The following UGT1A9 variants were observed in gnomAD, a reference collection of about 807,000 sequenced individuals.
UGT1A9 encodes the protein UDP-glucuronosyltransferase 1A9.
UGT1A9 carries 35 observed loss-of-function variants against 45.0 expected under a neutral mutation model. The ratio of observed to expected loss-of-function variants is 0.78; its 90% CI spans 0.59 to 1.03. UGT1A9 has a LOEUF of 1.03. Among genes scored for constraint, UGT1A9 ranks in the 50% least tolerant of loss-of-function variants. UGT1A9 has a pLI of 0.00. For synonymous variants in UGT1A9, 278 were observed against 250.6 expected (o/e 1.11, Z -1.03); for missense variants, 687 against 666.6 (o/e 1.03, Z -0.34).
chr2:233,758,823 C>T (rs1559405168), intron 1 of UGT1A9, among the ~76,000 whole-genome samples: 1 of 152,154 alleles, frequency 6.6e-6, no homozygotes, highest in African/African-American at 2.4e-5. Flanking sequence ...GTATATCCCC[C>T]CCAAAAAGAG....
At chr2:233,747,400 C>T in intron 1 of UGT1A9, 1 of 1,606,978 alleles carries the variant, frequency 6.2e-7, no homozygotes, top group East Asian at 2.2e-5. Flanking sequence ...GTCCTCACCC[C>T]AGAGGTGAAT....
intron 1 of UGT1A9, among the ~76,000 whole-genome samples, chr2:233,734,500 T>C (rs1353975752): frequency 6.6e-6 from 1 of 152,210 alleles, no homozygotes; most frequent in Non-Finnish European, 1.5e-5. Context: ...GGTTTTTTTG[T>C]GTCTCTATCT....
At chr2:233,759,068 T>G (rs1168767781) in intron 1 of UGT1A9, among the ~76,000 whole-genome samples, 1 of 152,198 alleles carries the variant, frequency 6.6e-6, no homozygotes, top group African/African-American at 2.4e-5. Flanking sequence ...GAAAAGGAAT[T>G]TGGAAGAAAG....
intron 1 of UGT1A9, chr2:233,717,976 A>G (rs2076619193): frequency 1.8e-5 from 8 of 446,196 alleles, no homozygotes; most frequent in Middle Eastern, 7.0e-4. Context: ...GGCATTCAGA[A>G]GAGGAATTCA....
chr2:233,710,884 G>A (rs539845882), intron 1 of UGT1A9, among the ~76,000 whole-genome samples: 10 of 152,338 alleles, frequency 6.6e-5, no homozygotes, highest in African/African-American at 1.9e-4. Flanking sequence ...AACAGTTTAA[G>A]TTTGTAGGTT....
intron 1 of UGT1A9, among the ~76,000 whole-genome samples, chr2:233,741,293 A>G (rs1691617867): frequency 6.6e-6 from 1 of 151,772 alleles, no homozygotes; most frequent in Non-Finnish European, 1.5e-5. Context: ...TATGTACCCA[A>G]TTGTGTAGAT....
chr2:233,684,056 T>C (rs944145699), intron 1 of UGT1A9, among the ~76,000 whole-genome samples: 3 of 152,204 alleles, frequency 2.0e-5, no homozygotes, highest in African/African-American at 7.2e-5. Flanking sequence ...ACACCTGGTG[T>C]CTGATCTAAG....
intron 1 of UGT1A9, chr2:233,690,641 C>T (rs1270518819): frequency 1.6e-6 from 2 of 1,287,710 alleles, no homozygotes; most frequent in Non-Finnish European, 2.0e-6. Flanking sequence ...CTGAGGACAC[C>T]TTGACTCCTA....
In UGT1A9 at chr2:233,691,778, G is replaced by A. The variant is rs45618133; in HGVS notation, c.855+18989G>A. Reference sequence around the variant, plus strand: ...ACTCCTGCTCTAGGATTCTCACCACGTACTGGCTAGACTTATACTTCTCAA... The same window carrying A: ...ACTCCTGCTCTAGGATTCTCACCACATACTGGCTAGACTTATACTTCTCAA... On this transcript the variant is annotated intron_variant, in intron 1 of 4. Transcript: ENST00000354728. The A allele has an allele frequency of 2.0e-3, 606 of 303,788 alleles. 8 individuals carry two copies. Among genetic ancestry groups the A allele is most frequent in the African/African-American group, 0.013 (574 of 44,350 alleles). The allele number at this position is 303,788 out of a possible 1,614,324, so 18.8% of individuals were successfully genotyped here.
chr2:233,756,609 A>G (rs1242342387), intron 1 of UGT1A9, among the ~76,000 whole-genome samples: 4 of 152,200 alleles, frequency 2.6e-5, no homozygotes, highest in Admixed American at 2.0e-4. Flanking sequence ...CGAAACCATT[A>G]AGACTTGCAG....
chr2:233,757,967 C>T (rs187620660), intron 1 of UGT1A9, among the ~76,000 whole-genome samples: 98 of 152,288 alleles, frequency 6.4e-4, no homozygotes, highest in African/African-American at 2.2e-3. Flanking sequence ...TGTGATTTCT[C>T]AGCCCCTAGA....
intron 1 of UGT1A9, chr2:233,747,945 G>T (rs1354187104): frequency 6.2e-7 from 1 of 1,613,364 alleles, no homozygotes; most frequent in East Asian, 2.2e-5. Flanking sequence ...GGAGGTGTCA[G>T]TGGTGGATCT....
chr2:233,704,663 T>A (rs1022501388), intron 1 of UGT1A9, among the ~76,000 whole-genome samples: 1 of 152,200 alleles, frequency 6.6e-6, no homozygotes, highest in Non-Finnish European at 1.5e-5. Flanking sequence ...GTTCTTTTCC[T>A]TTGTTCTTAT....
intron 1 of UGT1A9, among the ~76,000 whole-genome samples, chr2:233,687,730 C>G (rs879286075): frequency 1.1e-4 from 17 of 151,952 alleles, no homozygotes; most frequent in Non-Finnish European, 2.2e-4. Flanking sequence ...TAGGGAGACA[C>G]TGTCTCTACA....
rs186063545 is a variant in UGT1A9 at position 233,691,746 on chromosome 2, C to T, written c.855+18957C>T. 6.9e-5 allele frequency: 40 copies of T among 577,626 alleles called. No individual in the cohort carries two copies. The East Asian group carries it at 5.4e-3, about 78-fold the overall frequency. The allele number at this position is 577,626 out of a possible 1,614,324, so 35.8% of individuals were successfully genotyped here. On this transcript the variant is annotated intron_variant, in intron 1 of 4. Transcript: ENST00000354728. The stretch of plus-strand genomic sequence containing the variant: ...GGCTGGGCCAGAAGCAGATACCAGG[C>T]TTTCTGACTCCTGCTCTAGGATTCT...
chr2:233,729,632 C>T, intron 1 of UGT1A9: 1 of 1,613,894 alleles, frequency 6.2e-7, no homozygotes, highest in Non-Finnish European at 8.5e-7. Flanking sequence ...TCGATTCCTA[C>T]TGTGTTTTTT....
At chr2:233,729,636 G>T (rs755096883) in intron 1 of UGT1A9, 3 of 1,613,468 alleles carry the variant, frequency 1.9e-6, no homozygotes, top group East Asian at 4.5e-5. Flanking sequence ...TTCCTACTGT[G>T]TTTTTTTTGA....
At chr2:233,696,255 C>T (rs1042325119) in intron 1 of UGT1A9, among the ~76,000 whole-genome samples, 1 of 152,186 alleles carries the variant, frequency 6.6e-6, no homozygotes, top group Non-Finnish European at 1.5e-5. Flanking sequence ...AAGCACACAT[C>T]AGTGAATGAA....
chr2:233,740,484 TC>T (rs1034882349), intron 1 of UGT1A9, among the ~76,000 whole-genome samples: 1 of 151,900 alleles, frequency 6.6e-6, no homozygotes, highest in African/African-American at 2.4e-5. Flanking sequence ...CATTCCCTCT[TC>T]CAGATGCTTT....
Sources: gnomAD v4.1 joint callset for allele counts (sites outside exome capture counted in the v4.1 genomes callset) on GRCh38, gnomAD v4.1.1 for gene constraint, MANE v1.5 for transcripts, NCBI Gene and HGNC (gene_info 2026-07-23, HGNC 2026-07-21) for gene names.